NOX4: variants seen among roughly 807,000 people sequenced by gnomAD.
The protein encoded by NOX4 is kidney oxidase-1.
Under a neutral mutation model 87.6 loss-of-function variants are expected in NOX4, and 69 were observed. The observed-to-expected ratio is 0.79, with a 90% CI of 0.65 to 0.96. The LOEUF is 0.96. Among genes scored for constraint, NOX4 ranks in the 40% least tolerant of loss-of-function variants. The pLI, the probability that NOX4 is intolerant of heterozygous loss-of-function variation, is 0.00. For synonymous variants in NOX4, 275 were observed against 238.2 expected (o/e 1.15, Z -1.42); for missense variants, 680 against 681.5 (o/e 1.00, Z 0.02).
upstream of NOX4, among the ~76,000 whole-genome samples, chr11:89,503,125 T>C (rs761259649): frequency 6.6e-6 from 1 of 152,014 alleles, no homozygotes; most frequent in Non-Finnish European, 1.5e-5. Flanking sequence ...AAGTGTTCGA[T>C]AAATGTGGAC....
chr11:89,487,401 G>T (rs915261741), intron 2 of NOX4, among the ~76,000 whole-genome samples: 1 of 151,538 alleles, frequency 6.6e-6, no homozygotes, highest in Non-Finnish European at 1.5e-5. Context: ...CATTGTCTGT[G>T]TCTTCCAATA....
At chr11:89,557,073 C>T in the NOX4 span, 1 of 152,086 alleles carries the variant, frequency 6.6e-6, no homozygotes, top group African/African-American at 2.4e-5. Flanking sequence ...AACAGTTTTT[C>T]ATGCTGCTAA....
chr11:89,512,772 C>A, the NOX4 span, among the ~76,000 whole-genome samples: 1 of 152,040 alleles, frequency 6.6e-6, no homozygotes, highest in South Asian at 2.1e-4. Context: ...ATTCTTCCCC[C>A]ACCTTTGCCA....
intron 7 of NOX4, among the ~76,000 whole-genome samples, chr11:89,430,295 A>C (rs959200316): frequency 6.6e-6 from 1 of 152,222 alleles, no homozygotes; most frequent in African/African-American, 2.4e-5. Flanking sequence ...AACTGGCACA[A>C]GACAGGGATG....
intron 11 of NOX4, among the ~76,000 whole-genome samples, chr11:89,378,199 T>A (rs1939998304): frequency 6.6e-6 from 1 of 152,192 alleles, no homozygotes; most frequent in Non-Finnish European, 1.5e-5. Flanking sequence ...AAATTCTTTC[T>A]GGCTTTATAT....
At chr11:89,432,563 G>T (rs1943861363) in intron 7 of NOX4, among the ~76,000 whole-genome samples, 1 of 151,916 alleles carries the variant, frequency 6.6e-6, no homozygotes, top group East Asian at 1.9e-4. Flanking sequence ...ATCATCAAAT[G>T]CAGTCTCCAT....
chr11:89,561,128 T>C, the NOX4 span, among the ~76,000 whole-genome samples: 1 of 133,368 alleles, frequency 7.5e-6, no homozygotes, highest in South Asian at 2.4e-4. Context: ...ACACAGCAGC[T>C]CTAGGAAACG....
At chr11:89,486,254 C>T (rs545219200) in intron 2 of NOX4, among the ~76,000 whole-genome samples, 1 of 128,604 alleles carries the variant, frequency 7.8e-6, no homozygotes, top group South Asian at 2.4e-4. Flanking sequence ...AGTTCTATAC[C>T]AATTTTATTT....
At chr11:89,391,467 T>C (rs1012504041) in intron 11 of NOX4, among the ~76,000 whole-genome samples, 2 of 152,102 alleles carry the variant, frequency 1.3e-5, no homozygotes, top group Non-Finnish European at 2.9e-5. Context: ...CAAAATTTAA[T>C]GGGATTGGCG....
chr11:89,504,356 A>C, the NOX4 span, among the ~76,000 whole-genome samples: 1 of 151,940 alleles, frequency 6.6e-6, no homozygotes, highest in African/African-American at 2.4e-5. Context: ...TCCATACAAA[A>C]ATATAATATA....
At chr11:89,382,039 G>T (rs1940326726) in intron 11 of NOX4, among the ~76,000 whole-genome samples, 1 of 152,076 alleles carries the variant, frequency 6.6e-6, no homozygotes, top group Non-Finnish European at 1.5e-5. Context: ...TAATCACTGT[G>T]GGGACACCTG....
chr11:89,451,819 C>T lies in NOX4; in HGVS notation c.230G>A (p.Arg77Gln), dbSNP rs751492870. The T allele has an allele frequency of 1.9e-6, 3 of 1,612,920 alleles. No individual in the cohort carries two copies. The highest frequency in any genetic ancestry group is 1.7e-5 in the Admixed American group (1 of 59,934). Residue 77 changes from arginine to glutamine, a missense_variant, in exon 3 of 18, where the codon CGA (arginine) becomes CAA (glutamine). Transcript: ENST00000263317. Reference sequence around the variant, plus strand: ...TCCTCGGAGGTAAGCCAAGAGTGTTCGGCACATGGGTAAAAGGATAAGGCT... The same window carrying T: ...TCCTCGGAGGTAAGCCAAGAGTGTTTGGCACATGGGTAAAAGGATAAGGCT... ...NCSLILLPMC[R>Q]TLLAYLRGSQ...
chr11:89,517,566 A>G, the NOX4 span, among the ~76,000 whole-genome samples: 1 of 151,902 alleles, frequency 6.6e-6, no homozygotes, highest in East Asian at 1.9e-4. Context: ...GTCTTGAATT[A>G]TTGGGCTCAA....
At chr11:89,386,179 C>T (rs1297450205) in intron 11 of NOX4, among the ~76,000 whole-genome samples, 1 of 152,150 alleles carries the variant, frequency 6.6e-6, no homozygotes, top group East Asian at 1.9e-4. Context: ...ATTTGAGCTC[C>T]TGTATGGATG....
At chr11:89,394,229 G>T (rs1941320351) in intron 11 of NOX4, among the ~76,000 whole-genome samples, 1 of 152,070 alleles carries the variant, frequency 6.6e-6, no homozygotes, top group African/African-American at 2.4e-5. Context: ...TTTTAAGAAA[G>T]TAAAAAAGTT....
At chr11:89,545,381 C>T in the NOX4 span, 1 of 152,038 alleles carries the variant, frequency 6.6e-6, no homozygotes, top group African/African-American at 2.4e-5. Flanking sequence ...ACCTTTTTCT[C>T]GGCCATGACT....
At chr11:89,579,787 G>A in the NOX4 span, among the ~76,000 whole-genome samples, 1 of 151,994 alleles carries the variant, frequency 6.6e-6, no homozygotes, top group Non-Finnish European at 1.5e-5. Flanking sequence ...TAAAACAAAA[G>A]CTGCTTTAAG....
chr11:89,361,001 G>T (rs1255738116), intron 12 of NOX4, among the ~76,000 whole-genome samples: 1 of 152,030 alleles, frequency 6.6e-6, no homozygotes, highest in Admixed American at 6.6e-5. Context: ...ACTGCTGATG[G>T]GAATGTAAAT....
intron 8 of NOX4, among the ~76,000 whole-genome samples, chr11:89,407,984 T>C (rs969200315): frequency 1.0e-5 from 1 of 100,304 alleles, no homozygotes; most frequent in Admixed American, 1.0e-4. Flanking sequence ...TTTTATAATA[T>C]GATTTTTTTT....
Sources: gnomAD v4.1 joint callset for allele counts (sites outside exome capture counted in the v4.1 genomes callset) on GRCh38, gnomAD v4.1.1 for gene constraint, MANE v1.5 for transcripts, NCBI Gene and HGNC (gene_info 2026-07-23, HGNC 2026-07-21) for gene names.